Variants in ASIC2 observed in about 807,000 individuals in gnomAD.
ASIC2 encodes the protein acid sensing ion channel subunit 2, also known as acid-sensing ion channel 2.
In ASIC2, 25 loss-of-function variants were observed where a neutral mutation model predicts 57.3. The ratio of observed to expected loss-of-function variants is 0.44; its 90% confidence interval spans 0.32 to 0.61. The LOEUF is 0.61. Ranked by LOEUF, ASIC2 falls within the 20% of genes least tolerant of loss-of-function variation. The pLI, the probability that ASIC2 is intolerant of heterozygous loss-of-function variation, is 0.06. For missense variants in ASIC2, 641 were observed against 738.1 expected (o/e 0.87, Z 1.52); for synonymous variants, 319 against 307.5 (o/e 1.04, Z -0.39).
At chr17:33,701,953 T>C (rs763246223) in intron 1 of ASIC2, among the ~76,000 whole-genome samples, 1 of 152,168 alleles carries the variant, frequency 6.6e-6, no homozygotes, top group Non-Finnish European at 1.5e-5. Flanking sequence ...TCTGCAGACA[T>C]AGAAGTTCTG....
intron 1 of ASIC2, among the ~76,000 whole-genome samples, chr17:34,096,037 C>T (rs1399955245): frequency 6.6e-6 from 1 of 152,104 alleles, no homozygotes; most frequent in Non-Finnish European, 1.5e-5. Context: ...GAATTCTAAC[C>T]GTAGCTTTCT....
chr17:33,521,963 G>A (rs1428332381), intron 1 of ASIC2, among the ~76,000 whole-genome samples: 2 of 152,212 alleles, frequency 1.3e-5, no homozygotes, highest in African/African-American at 4.8e-5. Flanking sequence ...GGGCAGTGTG[G>A]TTCAGCCAGG....
chr17:33,894,384 T>TG (rs1182898974), intron 1 of ASIC2, among the ~76,000 whole-genome samples: 1 of 147,542 alleles, frequency 6.8e-6, no homozygotes, highest in African/African-American at 2.5e-5. Flanking sequence ...TGTGTGTGTG[T>TG]TCATGTGCTC....
At chr17:33,132,212 C>A (rs1016458084) in intron 1 of ASIC2, among the ~76,000 whole-genome samples, 3 of 152,198 alleles carry the variant, frequency 2.0e-5, no homozygotes, top group Non-Finnish European at 4.4e-5. Context: ...AGGTTATGTA[C>A]TGTAACATTT....
intron 1 of ASIC2, among the ~76,000 whole-genome samples, chr17:33,519,379 C>T (rs980109008): frequency 1.3e-5 from 2 of 152,204 alleles, no homozygotes; most frequent in African/African-American, 4.8e-5. Flanking sequence ...CCCCCTTAAA[C>T]ACAGTTGGCC....
intron 1 of ASIC2, among the ~76,000 whole-genome samples, chr17:33,546,421 A>G (rs1257553805): frequency 6.6e-6 from 1 of 152,176 alleles, no homozygotes; most frequent in Non-Finnish European, 1.5e-5. Context: ...AATTAATTCA[A>G]TTACATAGAC....
chr17:34,124,138 T>C (rs1485289568), intron 1 of ASIC2, among the ~76,000 whole-genome samples: 1 of 152,108 alleles, frequency 6.6e-6, no homozygotes, highest in African/African-American at 2.4e-5. Context: ...CTGGGTGACA[T>C]TGGTATTATT....
intron 1 of ASIC2, among the ~76,000 whole-genome samples, chr17:33,514,005 GAC>G (rs1211459131): frequency 2.0e-5 from 3 of 152,342 alleles, no homozygotes; most frequent in Non-Finnish European, 4.4e-5. Flanking sequence ...AGCTGTGCCA[GAC>G]ACACTGCTGG....
chr17:33,988,828 C>T (rs946826821), intron 1 of ASIC2, among the ~76,000 whole-genome samples: 3 of 152,018 alleles, frequency 2.0e-5, no homozygotes, highest in Non-Finnish European at 2.9e-5. Context: ...GACTCTTAGA[C>T]AGTGACTGGT....
chr17:33,098,978 A>AAAATATATATAAAAACAAAAT (rs2092197696), intron 2 of ASIC2, among the ~76,000 whole-genome samples: 2 of 148,542 alleles, frequency 1.3e-5, no homozygotes, highest in African/African-American at 4.9e-5. Flanking sequence ...ATAAACAAAA[A>AAAATATATATAAAAACAAAAT]ATATATATAT....
chr17:33,146,998 T>C (rs1025299253), intron 1 of ASIC2, among the ~76,000 whole-genome samples: 1 of 152,222 alleles, frequency 6.6e-6, no homozygotes, highest in Non-Finnish European at 1.5e-5. Flanking sequence ...TCCATTTTGC[T>C]CCTTGATATC....
chr17:33,976,984 C>T (rs149554347), intron 1 of ASIC2, among the ~76,000 whole-genome samples: 3 of 152,132 alleles, frequency 2.0e-5, no homozygotes, highest in Non-Finnish European at 2.9e-5. Flanking sequence ...TGTGGCGATG[C>T]CTCTGGAATG....
intron 1 of ASIC2, among the ~76,000 whole-genome samples, chr17:33,416,079 T>C (rs529261223): frequency 5.3e-5 from 8 of 152,290 alleles, no homozygotes; most frequent in Non-Finnish European, 8.8e-5. Context: ...TTGGGGGTGG[T>C]TCTGCCTTGC....
intron 1 of ASIC2, among the ~76,000 whole-genome samples, chr17:34,053,901 T>C (rs1194930744): frequency 2.0e-5 from 3 of 152,228 alleles, no homozygotes; most frequent in Non-Finnish European, 2.9e-5. Context: ...GCCCAGAGTC[T>C]TCCTTTCTCA....
intron 1 of ASIC2, among the ~76,000 whole-genome samples, chr17:33,180,973 C>T (rs894706110): frequency 2.0e-5 from 3 of 152,138 alleles, no homozygotes; most frequent in Admixed American, 6.5e-5. Flanking sequence ...TCATCTCCTT[C>T]GGCAATTCAG....
At chr17:33,303,217 A>G (rs928861912) in intron 1 of ASIC2, among the ~76,000 whole-genome samples, 1 of 152,212 alleles carries the variant, frequency 6.6e-6, no homozygotes, top group African/African-American at 2.4e-5. Flanking sequence ...AGAAAAGACA[A>G]AGTGGGTGGT....
At position 33,592,592 on chromosome 17, in the gene ASIC2, A is replaced by C. The variant is rs573570559; in HGVS notation, c.556-480525T>G. 2.6e-5 allele frequency among the ~76,000 whole-genome samples: 4 copies of C among 152,346 alleles called. No homozygotes were observed. The South Asian group carries it at 8.3e-4, about 32-fold the overall frequency. On this transcript the variant is annotated intron_variant, in intron 1 of 9. Transcript: ENST00000359872. ...TTGCTATCTCATTTGCTTCTCCAAC[A>C]ATCTTGGAAGGTAGACTTAATTAGC...
At chr17:33,430,610 C>T (rs2141977931) in intron 1 of ASIC2, among the ~76,000 whole-genome samples, 1 of 152,228 alleles carries the variant, frequency 6.6e-6, no homozygotes, top group Middle Eastern at 3.4e-3. Context: ...CCTGGAAAGC[C>T]CATGGTCCAT....
At chr17:33,331,114 C>T (rs1457179409) in intron 1 of ASIC2, among the ~76,000 whole-genome samples, 1 of 152,064 alleles carries the variant, frequency 6.6e-6, no homozygotes, top group East Asian at 1.9e-4. Context: ...GGAGCACAAA[C>T]CCTATTGTGA....
Sources: allele counts gnomAD v4.1 joint callset (sites outside exome capture counted in the v4.1 genomes callset), GRCh38; gene constraint gnomAD v4.1.1; transcripts MANE v1.5; gene names NCBI Gene and HGNC (gene_info 2026-07-23, HGNC 2026-07-21).